TENM2: variants seen among roughly 807,000 people sequenced by gnomAD.
The protein encoded by TENM2 is teneurin-2.
In TENM2, 52 loss-of-function variants were observed where a neutral mutation model predicts 245.2. The ratio of observed to expected loss-of-function variants is 0.21; its 90% CI spans 0.17 to 0.27. The LOEUF is 0.27. Ranked by LOEUF, TENM2 falls within the 10% of genes least tolerant of loss-of-function variation. The pLI is 1.00. For synonymous variants in TENM2, 1,363 were observed against 1,438.9 expected (o/e 0.95, Z 1.19); for missense variants, 3,046 against 3,666.8 (o/e 0.83, Z 4.37).
intron 3 of TENM2, among the ~76,000 whole-genome samples, chr5:167,888,416 A>T (rs188925171): frequency 6.6e-6 from 1 of 152,328 alleles, no homozygotes; most frequent in East Asian, 1.9e-4. Context: ...CAAATAGTGC[A>T]TGCAGTCAAA....
Position 168,118,494 on chromosome 5 carries a change from CGCCGGCCCCGGG to C in TENM2, c.2008+11_2008+22del, listed in dbSNP as rs1795247976. 2.0e-6 allele frequency: 3 copies of C among 1,504,378 alleles called. No individual in the cohort carries two copies. Among genetic ancestry groups the C allele is most frequent in the African/African-American group, 2.7e-5 (2 of 73,112 alleles). The allele number at this position is 1,504,378 out of a possible 1,614,324, so 93.2% of individuals were successfully genotyped here. A position where few individuals can be genotyped will look rare whatever the true frequency, so the allele number is the denominator to read the frequency against. ...GCGAGCACTGTGAGGAAGGTAAGCC[CGCCGGCCCCGGG>C]GCTAGGCAGCAGTGGAGGGAGGCGT... On this transcript the variant is annotated intron_variant, in intron 10 of 28. Coordinates refer to ENST00000518659, the Ensembl canonical transcript of TENM2.
chr5:167,560,584 G>A (rs1308287033), intron 2 of TENM2, among the ~76,000 whole-genome samples: 1 of 152,076 alleles, frequency 6.6e-6, no homozygotes, highest in African/African-American at 2.4e-5. Flanking sequence ...CACATTATTT[G>A]TCTCCTCTAA....
intron 2 of TENM2, among the ~76,000 whole-genome samples, chr5:167,714,217 G>A (rs1208406903): frequency 1.3e-5 from 2 of 152,166 alleles, no homozygotes; most frequent in Non-Finnish European, 2.9e-5. Context: ...ACTTTGTTGT[G>A]AAGGGATCTT....
chr5:168,182,825 C>CTTTT (rs149579948), intron 13 of TENM2, among the ~76,000 whole-genome samples: 103 of 100,700 alleles, frequency 1.0e-3, no homozygotes, highest in South Asian at 1.5e-3. Flanking sequence ...TCAGGGTGCT[C>CTTTT]TTTTTTTTTT....
intron 2 of TENM2, among the ~76,000 whole-genome samples, chr5:167,639,770 T>G (rs956521400): frequency 7.9e-5 from 12 of 152,146 alleles, no homozygotes; most frequent in Non-Finnish European, 1.5e-4. Context: ...AGCTAGTTGG[T>G]TTATTCACTC....
intron 25 of TENM2, among the ~76,000 whole-genome samples, chr5:168,242,750 C>A (rs983245720): frequency 6.6e-6 from 1 of 152,034 alleles, no homozygotes; most frequent in Admixed American, 6.5e-5. Flanking sequence ...GTCAGGAGTT[C>A]GAGACCAGCC....
intron 2 of TENM2, among the ~76,000 whole-genome samples, chr5:167,782,084 C>T (rs1420354965): frequency 5.9e-5 from 9 of 151,856 alleles, no homozygotes; most frequent in Admixed American, 1.3e-4. Context: ...GAGGATAAGG[C>T]GGGTGAATCA....
intron 2 of TENM2, among the ~76,000 whole-genome samples, chr5:167,388,357 C>T (rs1761565462): frequency 6.6e-6 from 1 of 152,022 alleles, no homozygotes; most frequent in African/African-American, 2.4e-5. Flanking sequence ...GTTGTAATAC[C>T]TCCCGTTTCA....
chr5:168,038,739 T>C (rs756232353), intron 5 of TENM2, among the ~76,000 whole-genome samples: 5 of 152,162 alleles, frequency 3.3e-5, no homozygotes, highest in Non-Finnish European at 7.3e-5. Flanking sequence ...CCCAGAGATC[T>C]GGGATAGGGA....
chr5:167,960,960 C>T (rs1041346740), intron 4 of TENM2, among the ~76,000 whole-genome samples: 1 of 152,230 alleles, frequency 6.6e-6, no homozygotes, highest in African/African-American at 2.4e-5. Context: ...AGGGAGTTCC[C>T]TGACCCCTTG....
chr5:167,708,978 T>C (rs920791030), intron 2 of TENM2, among the ~76,000 whole-genome samples: 12 of 152,168 alleles, frequency 7.9e-5, no homozygotes, highest in Non-Finnish European at 7.3e-5. Flanking sequence ...TGGGCGAGTC[T>C]AGCACTTCCC....
At chr5:167,564,324 G>T (rs1302762184) in intron 2 of TENM2, among the ~76,000 whole-genome samples, 1 of 152,146 alleles carries the variant, frequency 6.6e-6, no homozygotes, top group Non-Finnish European at 1.5e-5. Context: ...GGCCTATGCA[G>T]CTGAAAAGAG....
At chr5:167,488,855 G>C (rs942280181) in intron 2 of TENM2, among the ~76,000 whole-genome samples, 3 of 152,112 alleles carry the variant, frequency 2.0e-5, no homozygotes, top group Admixed American at 2.0e-4. Context: ...CCTCTCAAGT[G>C]GTCCTAGCTA....
chr5:167,119,416 C>G, the TENM2 span: 1 of 152,146 alleles, frequency 6.6e-6, no homozygotes, highest in African/African-American at 2.4e-5. Context: ...TTGTGCTGCT[C>G]TAATCAAACA....
intron 2 of TENM2, among the ~76,000 whole-genome samples, chr5:167,709,616 G>A (rs1008683910): frequency 6.6e-6 from 1 of 152,186 alleles, no homozygotes; most frequent in Non-Finnish European, 1.5e-5. Context: ...ATTTAGGACA[G>A]GTTCTCTGTC....
the TENM2 span, among the ~76,000 whole-genome samples, chr5:167,161,813 A>G: frequency 6.6e-6 from 1 of 152,188 alleles, no homozygotes; most frequent in Non-Finnish European, 1.5e-5. Flanking sequence ...TGCACTATTC[A>G]GAATTTTAAA....
intron 13 of TENM2, among the ~76,000 whole-genome samples, chr5:168,182,423 A>C (rs1023679234): frequency 6.6e-6 from 1 of 152,168 alleles, no homozygotes; most frequent in Non-Finnish European, 1.5e-5. Flanking sequence ...ACCTTCTTAG[A>C]GCACCTCTGT....
intron 1 of TENM2, among the ~76,000 whole-genome samples, chr5:167,288,330 T>C (rs1279505558): frequency 1.3e-5 from 2 of 151,706 alleles, no homozygotes; most frequent in Admixed American, 6.6e-5. Flanking sequence ...GAGGCCGAGG[T>C]GGGCGGATCA....
At chr5:168,030,565 G>T (rs1446389955) in intron 5 of TENM2, among the ~76,000 whole-genome samples, 1 of 152,100 alleles carries the variant, frequency 6.6e-6, no homozygotes, top group Non-Finnish European at 1.5e-5. Flanking sequence ...TGATTCTGCT[G>T]GTCTGGGAAC....
Sources: gnomAD v4.1 joint callset for allele counts (sites outside exome capture counted in the v4.1 genomes callset) on GRCh38, gnomAD v4.1.1 for gene constraint, MANE v1.5 for transcripts, NCBI Gene and HGNC (gene_info 2026-07-23, HGNC 2026-07-21) for gene names.